Variants in ANKS1A observed in about 807,000 individuals in gnomAD.
The protein encoded by ANKS1A is ankyrin repeat and SAM domain-containing protein 1A.
A neutral mutation model predicts 120.3 loss-of-function variants in ANKS1A; 55 were observed. That is an observed-to-expected ratio of 0.46 (90% CI 0.37 to 0.57). The LOEUF (loss-of-function observed/expected upper bound fraction) is 0.57, where lower values mean the gene tolerates loss of function less well. ANKS1A is among the 20% of genes least tolerant of loss of function. ANKS1A has a pLI of 0.00. For missense variants in ANKS1A, 1,123 were observed against 1,480.3 expected, an observed-to-expected ratio of 0.76 and a Z score of 3.96; for synonymous variants, 590 against 604.7, an observed-to-expected ratio of 0.98 and a Z score of 0.36.
intron 10 of ANKS1A, among the ~76,000 whole-genome samples, chr6:35,008,171 C>G (rs1437172398): frequency 6.6e-6 from 1 of 152,160 alleles, no homozygotes; most frequent in Non-Finnish European, 1.5e-5. Context: ...ATCAATGAGA[C>G]AGTTTGACAA....
chr6:35,073,194 C>T (rs765232847), intron 13 of ANKS1A, among the ~76,000 whole-genome samples: 5 of 152,214 alleles, frequency 3.3e-5, no homozygotes, highest in South Asian at 4.1e-4. Context: ...ACAGGCCACA[C>T]GTCACACGTC....
rs767860864 is a variant in ANKS1A, at chr6:34,994,328, T to C, written c.1329T>C (p.His443=). The change falls in exon 10 of 24, where the codon CAT becomes CAC. Residue 443 remains histidine, a synonymous_variant. Transcript: ENST00000360359. ...SEVLSMRPRI[H]GSAAREEDEH... ...TTCTGTCCATGAGACCTAGGATTCATGGGAGTGCAGCCCGGGAAGAAGACG... is the reference window on the plus strand; with the variant it reads ...TTCTGTCCATGAGACCTAGGATTCACGGGAGTGCAGCCCGGGAAGAAGACG... 6.2e-7 allele frequency: 1 copy of C among 1,613,676 alleles called. No homozygotes were observed. The highest frequency in any genetic ancestry group is 1.1e-5 in the South Asian group (1 of 91,088).
intron 11 of ANKS1A, among the ~76,000 whole-genome samples, chr6:35,052,337 G>C (rs1776007854): frequency 6.6e-6 from 1 of 151,832 alleles, no homozygotes; most frequent in African/African-American, 2.4e-5. Context: ...TGTAGTCCCA[G>C]CTACTAGGGA....
chr6:35,052,876 C>T (rs1776039564), intron 11 of ANKS1A, among the ~76,000 whole-genome samples: 1 of 152,102 alleles, frequency 6.6e-6, no homozygotes, highest in Non-Finnish European at 1.5e-5. Flanking sequence ...CTGCAGGGGT[C>T]AGATTCGTTT....
Position 35,081,252 on chromosome 6 carries a change from G to GCC in ANKS1A, c.2709+95_2709+96insCC. ...GAACCACCTGCTGCCCCATACTTGA[G>GCC]CACAGTTGGGCTGGCACCAGAGTCA... On this transcript the variant is annotated intron_variant, in intron 17 of 23. Transcript: ENST00000360359. 4 of 1,421,188 alleles carry GCC rather than the reference G, an allele frequency of 2.8e-6. 1 individual carries two copies. In the South Asian group the frequency reaches 5.8e-5, roughly 21 times the overall value. The allele number at this position is 1,421,188 out of a possible 1,614,324, so 88.0% of individuals were successfully genotyped here. A position where few individuals can be genotyped will look rare whatever the true frequency, so the allele number is the denominator to read the frequency against.
downstream of ANKS1A, chr6:35,091,465 C>G: frequency 1.0e-6 from 1 of 974,738 alleles, no homozygotes. Flanking sequence ...CTGGCAGAGG[C>G]GTGGGCACAG....
chr6:34,944,655 A>G (rs1258015901), intron 1 of ANKS1A, among the ~76,000 whole-genome samples: 2 of 152,148 alleles, frequency 1.3e-5, no homozygotes, highest in African/African-American at 2.4e-5. Flanking sequence ...TGCATACCCA[A>G]GTTTCTCAGT....
chr6:35,052,760 G>A (rs1158070654), intron 11 of ANKS1A, among the ~76,000 whole-genome samples: 1 of 152,090 alleles, frequency 6.6e-6, no homozygotes, highest in East Asian at 1.9e-4. Context: ...GGGGGTGGAG[G>A]GAGGCGTTTT....
intron 8 of ANKS1A, among the ~76,000 whole-genome samples, chr6:34,987,864 C>CT (rs374148955): frequency 6.6e-6 from 1 of 152,328 alleles, no homozygotes; most frequent in African/African-American, 2.4e-5. Flanking sequence ...GTGAACAAAC[C>CT]TGCAAGCCAG....
intron 3 of ANKS1A, among the ~76,000 whole-genome samples, chr6:34,976,560 A>G (rs1771597753): frequency 1.3e-5 from 2 of 152,138 alleles, no homozygotes; most frequent in African/African-American, 2.4e-5. Flanking sequence ...TAGAACTGAA[A>G]GGGACTTGGA....
At position 35,066,433 on chromosome 6, in the gene ANKS1A, A is replaced by T. The variant is rs541452750; in HGVS notation, c.2184+6180A>T. Among the ~76,000 whole-genome samples the T allele has an allele frequency of 9.9e-5, 15 of 152,270 alleles. No homozygotes were observed. The South Asian group carries it at 2.7e-3, about 27-fold the overall frequency. On this transcript the variant is annotated intron_variant, in intron 13 of 23. Coordinates refer to ENST00000360359, the MANE Select transcript of ANKS1A (RefSeq NM_015245.3). ...GGGGTGACTGTGGCACCTTGACCTC[A>T]GCCAAGACCTCAAAGAGGAAGGTGT...
At chr6:35,075,579 A>G (rs530848460) in intron 13 of ANKS1A, among the ~76,000 whole-genome samples, 2 of 151,920 alleles carry the variant, frequency 1.3e-5, no homozygotes, top group East Asian at 1.9e-4. Context: ...CCACACCTGG[A>G]TAATTTTTGT....
Position 34,889,373 on chromosome 6 carries a change from G to T in ANKS1A, c.-30G>T. On this transcript the variant is annotated 5_prime_UTR_variant, in exon 1 of 24. Coordinates refer to ENST00000360359, the MANE Select transcript of ANKS1A (RefSeq NM_015245.3). The surrounding 1 kb of genome is among the most constrained non-coding windows in gnomAD (Gnocchi z 5.5). The stretch of plus-strand genomic sequence containing the variant: ...GAGCAGGCTCGGCTGCAGCCTCGGG[G>T]AGGGGGTCCAGCGGGTGGCGGCCCT... 8.0e-7 allele frequency: 1 copy of T among 1,253,482 alleles called. No homozygotes were observed. Among genetic ancestry groups the T allele is most frequent in the Non-Finnish European group, 1.0e-6 (1 of 1,001,434 alleles). The allele number at this position is 1,253,482 out of a possible 1,614,324, so 77.6% of individuals were successfully genotyped here. A position where few individuals can be genotyped will look rare whatever the true frequency, so the allele number is the denominator to read the frequency against.
In ANKS1A at chr6:34,904,739, A is replaced by G. The variant is rs967954810; in HGVS notation, c.197+15140A>G. On this transcript the variant is annotated intron_variant, in intron 1 of 23. Coordinates refer to ENST00000360359, the MANE Select transcript of ANKS1A (RefSeq NM_015245.3). ...GAGCGAGACTCCATATCAAAAACAAAAAACAAAATGTTTTGCACTTCCTGT... is the reference window on the plus strand; with the variant it reads ...GAGCGAGACTCCATATCAAAAACAAGAAACAAAATGTTTTGCACTTCCTGT... 2.6e-5 allele frequency among the ~76,000 whole-genome samples: 4 copies of G among 152,338 alleles called. 1 individual carries two copies. Among genetic ancestry groups the G allele is most frequent in the Middle Eastern group, 6.8e-3 (2 of 294 alleles).
At chr6:34,972,722 C>T in intron 3 of ANKS1A, 1 of 727,930 alleles carries the variant, frequency 1.4e-6, no homozygotes, top group South Asian at 6.2e-5. Flanking sequence ...CGCTTCTACT[C>T]TTGTCCACTC....
chr6:35,065,906 G>A (rs1776749281), intron 13 of ANKS1A, among the ~76,000 whole-genome samples: 1 of 152,196 alleles, frequency 6.6e-6, no homozygotes. Flanking sequence ...CTGGCCCGTT[G>A]CTTCTACCCG....
At chr6:35,059,913 G>A (rs1444993783) in intron 12 of ANKS1A, among the ~76,000 whole-genome samples, 1 of 152,170 alleles carries the variant, frequency 6.6e-6, no homozygotes. Flanking sequence ...GGTGTGAGTG[G>A]GCAGCAGCCG....
At chr6:35,067,885 AAT>A (rs1561952447) in intron 13 of ANKS1A, among the ~76,000 whole-genome samples, 31 of 115,874 alleles carry the variant, frequency 2.7e-4, no homozygotes, top group South Asian at 3.4e-4. Flanking sequence ...CTTCATTTTC[AAT>A]TTTTTTTTTT....
intron 12 of ANKS1A, 96 bp downstream of exon 12, chr6:35,054,261 G>A (rs947626756): frequency 1.2e-5 from 14 of 1,170,370 alleles, no homozygotes; most frequent in South Asian, 3.8e-5. Flanking sequence ...GACATTCAGT[G>A]GGTGGGAGAG....
Sources: allele counts gnomAD v4.1 joint callset (sites outside exome capture counted in the v4.1 genomes callset), GRCh38; gene constraint gnomAD v4.1.1; non-coding constraint Gnocchi (gnomAD v3.1); transcripts MANE v1.5; gene names NCBI Gene and HGNC (gene_info 2026-07-23, HGNC 2026-07-21).